FANCL: variants seen among roughly 807,000 people sequenced by gnomAD.
FANCL encodes E3 ubiquitin-protein ligase FANCL.
In FANCL, 69 loss-of-function variants were observed where a neutral mutation model predicts 59.4. The observed-to-expected ratio is 1.16, with a 90% CI of 0.96 to 1.42. The LOEUF is 1.42. Ranked by LOEUF, FANCL falls within the 40% of genes most tolerant of loss-of-function variation. The pLI is 0.00. For missense variants in FANCL, 519 were observed against 447.2 expected, an observed-to-expected ratio of 1.16 and a Z score of -1.45; for synonymous variants, 180 against 147.1, an observed-to-expected ratio of 1.22 and a Z score of -1.62.
chr2:58,181,018 A>G (rs77062954), intron 7 of FANCL, among the ~76,000 whole-genome samples: 3,157 of 152,184 alleles, frequency 0.021, 115 homozygotes, highest in African/African-American at 0.073. Flanking sequence ...TTTCTTTAAG[A>G]ACTAAATATA....
At chr2:58,217,215 TACACACACACACACACACAC>T (rs368257506) in intron 5 of FANCL, among the ~76,000 whole-genome samples, 2 of 20,862 alleles carry the variant, frequency 9.6e-5, no homozygotes, top group Non-Finnish European at 1.7e-4. Flanking sequence ...TATATATATA[TACACACACACACACACACAC>T]ACACACACAT....
rs546977526 is a variant in FANCL, at chr2:58,241,290, C to T, written c.24G>A (p.Leu8=). Residue 8 remains leucine (L), a synonymous_variant, in exon 1 of 14, where the codon CTG becomes CTA. Coordinates refer to ENST00000233741, the MANE Select transcript of FANCL (RefSeq NM_018062.4). ...GCAGAAGCAGGGGGCACTGGCGCAA[C>T]AGGCTCGCTTCCGTCACCGCCATGG... is the stretch of plus-strand genomic sequence containing the variant. The part of the protein sequence containing the change: MAVTEAS[L]LRQCPLLLPQ... 8.7e-6 allele frequency: 14 copies of T among 1,614,258 alleles called. No homozygotes were observed. In the African/African-American group the frequency reaches 1.7e-4, roughly 20 times the overall value.
At chr2:58,237,441 T>C (rs1028624682) in intron 1 of FANCL, among the ~76,000 whole-genome samples, 2 of 152,072 alleles carry the variant, frequency 1.3e-5, no homozygotes, top group Non-Finnish European at 2.9e-5. Context: ...CACCAAAATG[T>C]GTGTGATATA....
intron 7 of FANCL, among the ~76,000 whole-genome samples, chr2:58,172,310 T>G (rs1686729000): frequency 6.6e-6 from 1 of 152,216 alleles, no homozygotes; most frequent in Non-Finnish European, 1.5e-5. Context: ...AAGTGGGTTC[T>G]TGACCCCTGA....
At chr2:58,174,108 C>T (rs564220265) in intron 7 of FANCL, among the ~76,000 whole-genome samples, 21 of 152,040 alleles carry the variant, frequency 1.4e-4, no homozygotes, top group Non-Finnish European at 2.6e-4. Context: ...ATATATGCAC[C>T]CAATACAGGA....
At chr2:58,213,219 T>A (rs1691354158) in intron 5 of FANCL, among the ~76,000 whole-genome samples, 1 of 152,222 alleles carries the variant, frequency 6.6e-6, no homozygotes, top group South Asian at 2.1e-4. Context: ...AATCATTGTG[T>A]GTGTCATTTC....
intron 6 of FANCL, among the ~76,000 whole-genome samples, chr2:58,201,634 G>A (rs1161204662): frequency 6.6e-6 from 1 of 151,958 alleles, no homozygotes; most frequent in African/African-American, 2.4e-5. Context: ...GCCCTGGGCT[G>A]CTACTTTTGT....
chr2:58,200,918 T>G (rs780529151), intron 6 of FANCL, among the ~76,000 whole-genome samples: 14 of 151,662 alleles, frequency 9.2e-5, no homozygotes, highest in Non-Finnish European at 1.9e-4. Flanking sequence ...ATATCTGAGT[T>G]AAATGAGTAT....
At chr2:58,181,599 G>A (rs1573606785) in intron 7 of FANCL, among the ~76,000 whole-genome samples, 1 of 151,968 alleles carries the variant, frequency 6.6e-6, no homozygotes, top group Non-Finnish European at 1.5e-5. Context: ...AAGTTACTTT[G>A]TATAGAACTA....
At chr2:58,181,549 T>C (rs1173787183) in intron 7 of FANCL, among the ~76,000 whole-genome samples, 10 of 152,168 alleles carry the variant, frequency 6.6e-5, no homozygotes, top group Non-Finnish European at 1.5e-4. Flanking sequence ...AATGTATGCA[T>C]GCCGATGACA....
chr2:58,231,235 G>C (rs1335293280), intron 2 of FANCL, among the ~76,000 whole-genome samples: 1 of 152,098 alleles, frequency 6.6e-6, no homozygotes, highest in Non-Finnish European at 1.5e-5. Flanking sequence ...GCACCAAAAA[G>C]TCTATTCATA....
intron 3 of FANCL, among the ~76,000 whole-genome samples, chr2:58,227,663 T>C (rs1573802767): frequency 1.3e-5 from 2 of 151,722 alleles, no homozygotes; most frequent in African/African-American, 4.8e-5. Flanking sequence ...GTCCAGCCAC[T>C]TGTGTGTGTG....
chr2:58,180,525 G>A (rs774035220), intron 7 of FANCL, among the ~76,000 whole-genome samples: 2 of 152,066 alleles, frequency 1.3e-5, no homozygotes, highest in Non-Finnish European at 2.9e-5. Flanking sequence ...CATGGACACA[G>A]GGAGGGAAAT....
rs542639898 is a variant in FANCL at position 58,229,735 on chromosome 2, A to C, written c.216+79T>G. 1.5e-5 allele frequency: 16 copies of C among 1,049,222 alleles called. No homozygotes were observed. In the African/African-American group the frequency reaches 2.4e-4, roughly 15 times the overall value. 65.0% of individuals were successfully genotyped at this position (1,049,222 alleles called of 1,614,324 possible). ...AAACCAGTTTGTTACAACATTGTGC[A>C]AAGCAGGTCTTTAAAGAACAATAAA... On this transcript the variant is annotated intron_variant, in intron 3 of 13. Transcript: ENST00000233741.
At position 58,239,616 on chromosome 2, in the gene FANCL, T is replaced by A. The variant is rs1694330172; in HGVS notation, c.96+1602A>T. ...ATGGACTCTATCTTAGATAATAGTA[T>A]ATCATTAAATATCCTGATTTTAATC... On this transcript the variant is annotated intron_variant, in intron 1 of 13. Transcript: ENST00000233741. 1.3e-5 allele frequency among the ~76,000 whole-genome samples: 2 copies of A among 152,200 alleles called. 1 individual carries two copies. Among genetic ancestry groups the A allele is most frequent in the South Asian group, 4.1e-4 (2 of 4,834 alleles).
intron 6 of FANCL, among the ~76,000 whole-genome samples, chr2:58,200,340 A>G (rs1689872247): frequency 6.6e-6 from 1 of 152,048 alleles, no homozygotes; most frequent in Admixed American, 6.6e-5. Flanking sequence ...AAGTCATTTA[A>G]TTTCTCTGGC....
intron 5 of FANCL, among the ~76,000 whole-genome samples, chr2:58,204,472 T>C (rs1690377138): frequency 6.6e-6 from 1 of 152,128 alleles, no homozygotes. Context: ...GCTCATGCTG[T>C]GGTCAGTGAG....
chr2:58,240,242 T>C (rs1694396358), intron 1 of FANCL, among the ~76,000 whole-genome samples: 1 of 152,236 alleles, frequency 6.6e-6, no homozygotes, highest in East Asian at 1.9e-4. Context: ...GATTAACTTT[T>C]TTCCATATGG....
At position 58,159,813 on chromosome 2, in the gene FANCL, A is replaced by T; in HGVS notation, c.1093-13T>A. The T allele has an allele frequency of 6.2e-6, 10 of 1,611,904 alleles. No individual in the cohort carries two copies. Among genetic ancestry groups the T allele is most frequent in the Non-Finnish European group, 8.5e-6 (10 of 1,179,234 alleles). ...TTAAGGTAATTGGCTTTAAAAAGAG[A>T]ACATATTTTAACAAAGTTTGTGGAC... is the stretch of plus-strand genomic sequence containing the variant. On this transcript the variant is annotated splice_polypyrimidine_tract_variant and intron_variant, in intron 13 of 13. Coordinates refer to ENST00000233741, the MANE Select transcript of FANCL (RefSeq NM_018062.4).
Sources: allele counts gnomAD v4.1 joint callset (sites outside exome capture counted in the v4.1 genomes callset), GRCh38; gene constraint gnomAD v4.1.1; transcripts MANE v1.5; gene names NCBI Gene and HGNC (gene_info 2026-07-23, HGNC 2026-07-21).